Variants in FAM228B observed in about 807,000 individuals in gnomAD.
FAM228B encodes the protein protein FAM228B.
A neutral mutation model predicts 42.6 loss-of-function variants in FAM228B; 38 were observed. The ratio of observed to expected loss-of-function variants is 0.89; its 90% CI spans 0.69 to 1.17. FAM228B has a LOEUF of 1.17. Among genes scored for constraint, FAM228B ranks in the 50% most tolerant of loss-of-function variants. The probability of loss-of-function intolerance (pLI) is 0.00; values close to 1 mark genes in which losing one functional copy is unlikely to be tolerated. For missense variants in FAM228B, 344 were observed against 367.3 expected, an observed-to-expected ratio of 0.94 and a Z score of 0.52; for synonymous variants, 109 against 122.3, an observed-to-expected ratio of 0.89 and a Z score of 0.72.
In FAM228B at chr2:24,077,816, C is replaced by G. The variant is rs1664825691; in HGVS notation, c.-290+847C>G. ...TGGGGAGAGAGCCTCACCCTGCCCT[C>G]CTCATCCTCCTCAGCCTTCTTGCTC... is the stretch of plus-strand genomic sequence containing the variant. On this transcript the variant is annotated intron_variant, in intron 1 of 10. Coordinates refer to the FAM228B transcript ENST00000613899. The surrounding 1 kb of genome is among the most constrained non-coding windows in gnomAD (Gnocchi z 5.5). The G allele has an allele frequency of 1.0e-5, 16 of 1,553,790 alleles. No homozygotes were observed. The Admixed American group carries it at 2.8e-4, about 27-fold the overall frequency.
intron 2 of FAM228B, among the ~76,000 whole-genome samples, chr2:24,130,245 A>C (rs183878240): frequency 3.8e-4 from 58 of 152,274 alleles, no homozygotes; most frequent in African/African-American, 1.4e-3. Context: ...TATCTTTGCT[A>C]TTGTAAATAG....
chr2:24,141,788 T>C (rs1198111748), intron 5 of FAM228B, among the ~76,000 whole-genome samples: 1 of 152,194 alleles, frequency 6.6e-6, no homozygotes, highest in Non-Finnish European at 1.5e-5. Flanking sequence ...AGAAGTCCAA[T>C]ATTAATTGTT....
At chr2:24,135,250 G>A (rs552483916) in intron 3 of FAM228B, 63 bp downstream of exon 3, 122 of 904,026 alleles carry the variant, frequency 1.3e-4, no homozygotes, top group Non-Finnish European at 1.8e-4. Context: ...CTTTTTATAT[G>A]TAGCATATTC....
intron 3 of FAM228B, chr2:24,097,225 C>T (rs1185614852): frequency 1.3e-5 from 2 of 152,014 alleles, no homozygotes; most frequent in Non-Finnish European, 2.9e-5. Flanking sequence ...AATTAACGGG[C>T]AAAATAACCA....
At position 24,090,482 on chromosome 2, in the gene FAM228B, G is replaced by T. The variant is rs942939177; in HGVS notation, c.-209-4659G>T. Among the ~76,000 whole-genome samples the T allele has an allele frequency of 3.3e-5, 5 of 149,454 alleles. No individual in the cohort carries two copies. The Admixed American group carries it at 3.3e-4, about 10-fold the overall frequency. On this transcript the variant is annotated intron_variant, in intron 2 of 10. Transcript: ENST00000613899. ...GCCTGTAGTCCCAGGTACCTGCGAG[G>T]CTGAGGCAGGAGGAGGTTGCAGTGA...
chr2:24,119,929 T>C (rs1195393995), upstream of FAM228B, among the ~76,000 whole-genome samples: 1 of 152,180 alleles, frequency 6.6e-6, no homozygotes, highest in Admixed American at 6.5e-5. Flanking sequence ...AGATGGATTT[T>C]GAAAAAGTTC....
Position 24,167,618 on chromosome 2 carries a change from T to C in FAM228B, c.933-9T>C. ...AACATAATGACCAAAGCTTCAATCT[T>C]CATTTAAGGTCTCCCTCCCCGCGTT... is the stretch of plus-strand genomic sequence containing the variant. On this transcript the variant is annotated splice_polypyrimidine_tract_variant and intron_variant, in intron 9 of 10. Transcript: ENST00000615575. 1 of 1,551,580 alleles carries C rather than the reference T, an allele frequency of 6.4e-7. No homozygotes were observed. Among genetic ancestry groups the C allele is most frequent in the Non-Finnish European group, 8.7e-7 (1 of 1,146,858 alleles).
At chr2:24,161,045 A>G (rs1667272775) in intron 7 of FAM228B, among the ~76,000 whole-genome samples, 1 of 152,214 alleles carries the variant, frequency 6.6e-6, no homozygotes, top group African/African-American at 2.4e-5. Context: ...AACTGATTTC[A>G]TCCAAGAATG....
At chr2:24,082,975 G>A (rs749020702) in intron 2 of FAM228B, 53 of 1,614,070 alleles carry the variant, frequency 3.3e-5, no homozygotes, top group Non-Finnish European at 4.2e-5. Flanking sequence ...ATAGGCATGA[G>A]GAGCCCTTCG....
At chr2:24,145,145 C>G (rs1316112799) in intron 5 of FAM228B, among the ~76,000 whole-genome samples, 1 of 152,178 alleles carries the variant, frequency 6.6e-6, no homozygotes. Flanking sequence ...CTGCATGCAC[C>G]CAAGCAAGCC....
upstream of FAM228B, chr2:24,123,339 G>C (rs558135362): frequency 6.6e-6 from 1 of 152,172 alleles, no homozygotes; most frequent in Non-Finnish European, 1.5e-5. Flanking sequence ...AGGATTGGCC[G>C]GGCCACGCGC....
At chr2:24,129,353 T>G (rs993139977) in intron 2 of FAM228B, among the ~76,000 whole-genome samples, 1 of 151,868 alleles carries the variant, frequency 6.6e-6, no homozygotes, top group Non-Finnish European at 1.5e-5. Context: ...TAAGTCTGTT[T>G]CCTGCTACTC....
At chr2:24,085,411 G>A (rs1017565391) in intron 2 of FAM228B, among the ~76,000 whole-genome samples, 4 of 152,212 alleles carry the variant, frequency 2.6e-5, no homozygotes, top group East Asian at 1.9e-4. Flanking sequence ...GTTCGTTATT[G>A]TAGGAGATCG....
chr2:24,139,712 G>GATACAAAAATGTGTATC (rs1349331369), intron 5 of FAM228B, among the ~76,000 whole-genome samples: 1 of 152,000 alleles, frequency 6.6e-6, no homozygotes, highest in Admixed American at 6.6e-5. Context: ...TGTTACAAAA[G>GATACAAAAATGTGTATC]TAACACATTT....
intron 2 of FAM228B, among the ~76,000 whole-genome samples, chr2:24,091,130 T>C (rs930199592): frequency 6.6e-6 from 1 of 152,226 alleles, no homozygotes; most frequent in Non-Finnish European, 1.5e-5. Context: ...TTGTTGTTGA[T>C]ATGATTGTAG....
intron 2 of FAM228B, among the ~76,000 whole-genome samples, chr2:24,081,798 C>G (rs976976568): frequency 1.3e-5 from 2 of 150,034 alleles, no homozygotes; most frequent in Non-Finnish European, 3.0e-5. Flanking sequence ...TGCGTTCATG[C>G]CATTCTCTTG....
At chr2:24,117,158 GTACCT>G (rs1665945354) in intron 3 of FAM228B, among the ~76,000 whole-genome samples, 1 of 151,764 alleles carries the variant, frequency 6.6e-6, no homozygotes, top group South Asian at 2.1e-4. Context: ...GGGATTACAG[GTACCT>G]ACCACCACAC....
rs111643836 is a variant in FAM228B at position 24,146,104 on chromosome 2, A to G, written c.442-644A>G. ...GCAGTCTGATCACCGTTTAACTCTA[A>G]TAGTCATGATGTGTATTGTAACTAC... On this transcript the variant is annotated intron_variant, in intron 5 of 10. Transcript: ENST00000615575. 2.1e-3 allele frequency among the ~76,000 whole-genome samples: 317 copies of G among 152,296 alleles called. 1 individual carries two copies. Among genetic ancestry groups the G allele is most frequent in the African/African-American group, 7.2e-3 (301 of 41,578 alleles).
At chr2:24,164,656 C>G (rs980362962) in intron 9 of FAM228B, among the ~76,000 whole-genome samples, 2 of 152,202 alleles carry the variant, frequency 1.3e-5, no homozygotes, top group East Asian at 3.8e-4. Context: ...CAGCCCCTCT[C>G]TCAGTCCGCC....
Sources: allele counts gnomAD v4.1 joint callset (sites outside exome capture counted in the v4.1 genomes callset), GRCh38; gene constraint gnomAD v4.1.1; non-coding constraint Gnocchi (gnomAD v3.1); transcripts MANE v1.5; gene names NCBI Gene and HGNC (gene_info 2026-07-23, HGNC 2026-07-21).